Variants in ERC2 observed in about 807,000 individuals in gnomAD.
ERC2 encodes the protein ERC protein 2.
A neutral mutation model predicts 114.8 loss-of-function variants in ERC2; 42 were observed. The ratio of observed to expected loss-of-function variants is 0.37; its 90% CI spans 0.29 to 0.47. The LOEUF is 0.47. ERC2 is among the 20% of genes least tolerant of loss of function. The pLI is 0.99. For synonymous variants in ERC2, 454 were observed against 425.5 expected, an observed-to-expected ratio of 1.07 and a Z score of -0.82; for missense variants, 939 against 1,150.7, an observed-to-expected ratio of 0.82 and a Z score of 2.66.
At chr3:56,056,169 G>A (rs1235167180) in intron 7 of ERC2, among the ~76,000 whole-genome samples, 2 of 152,158 alleles carry the variant, frequency 1.3e-5, no homozygotes, top group African/African-American at 2.4e-5. Flanking sequence ...CCTTTGCCAT[G>A]TGACAATTCT....
chr3:56,357,873 T>C (rs953746665), intron 2 of ERC2, among the ~76,000 whole-genome samples: 5 of 151,210 alleles, frequency 3.3e-5, no homozygotes, highest in Admixed American at 6.6e-5. Flanking sequence ...CTTCCATTTA[T>C]GGCCCCCACT....
intron 3 of ERC2, among the ~76,000 whole-genome samples, chr3:56,229,662 T>C (rs892418518): frequency 2.0e-5 from 3 of 152,154 alleles, no homozygotes; most frequent in African/African-American, 7.2e-5. Flanking sequence ...TCTAGTCTTA[T>C]TATGAGGCTT....
chr3:56,135,745 A>G (rs1342937828), intron 6 of ERC2, among the ~76,000 whole-genome samples: 3 of 152,170 alleles, frequency 2.0e-5, no homozygotes, highest in African/African-American at 7.2e-5. Context: ...TTGACATTTT[A>G]CTTTAGATCA....
At chr3:56,400,249 A>G (rs1461990242) in intron 2 of ERC2, among the ~76,000 whole-genome samples, 1 of 152,144 alleles carries the variant, frequency 6.6e-6, no homozygotes, top group Non-Finnish European at 1.5e-5. Context: ...AGGAGCTGGT[A>G]GTTGGGGTTT....
At chr3:56,001,743 G>C (rs949261129) in intron 10 of ERC2, among the ~76,000 whole-genome samples, 8 of 152,104 alleles carry the variant, frequency 5.3e-5, no homozygotes, top group African/African-American at 1.9e-4. Context: ...TATTTTTGCT[G>C]CTGCAGGAAC....
chr3:56,260,077 G>A (rs1300734175), intron 3 of ERC2, among the ~76,000 whole-genome samples: 2 of 152,300 alleles, frequency 1.3e-5, no homozygotes, highest in East Asian at 3.9e-4. Context: ...CAACCACAGA[G>A]TCTGAACTTT....
At chr3:55,529,826 G>C (rs1223743812) in intron 17 of ERC2, among the ~76,000 whole-genome samples, 1 of 152,168 alleles carries the variant, frequency 6.6e-6, no homozygotes, top group Non-Finnish European at 1.5e-5. Context: ...GAAGACACAG[G>C]AGAAGTAATA....
At chr3:56,348,592 TG>T (rs1410859350) in intron 2 of ERC2, among the ~76,000 whole-genome samples, 2 of 150,972 alleles carry the variant, frequency 1.3e-5, no homozygotes, top group Non-Finnish European at 2.9e-5. Flanking sequence ...AAGATTTCTA[TG>T]TGAAATCTGC....
chr3:55,942,438 G>A (rs1470036121), intron 13 of ERC2, among the ~76,000 whole-genome samples: 4 of 149,512 alleles, frequency 2.7e-5, no homozygotes, highest in Non-Finnish European at 4.5e-5. Context: ...ACAGGCGCCC[G>A]CCACTACGCC....
chr3:55,739,229 T>G (rs201188895), intron 14 of ERC2, among the ~76,000 whole-genome samples: 2 of 152,222 alleles, frequency 1.3e-5, no homozygotes, highest in East Asian at 3.9e-4. Context: ...TACATGTGCA[T>G]GTGTCTTTAT....
chr3:56,301,983 T>C (rs955609131), intron 2 of ERC2, among the ~76,000 whole-genome samples: 1 of 152,106 alleles, frequency 6.6e-6, no homozygotes, highest in African/African-American at 2.4e-5. Flanking sequence ...CAGGATAGGC[T>C]TAGGATATGC....
chr3:55,561,920 GCTAT>G (rs751713196), intron 17 of ERC2, among the ~76,000 whole-genome samples: 1 of 152,130 alleles, frequency 6.6e-6, no homozygotes, highest in Non-Finnish European at 1.5e-5. Flanking sequence ...CATAAAAGTG[GCTAT>G]CTCTTTGTGG....
intron 17 of ERC2, among the ~76,000 whole-genome samples, chr3:55,532,933 G>A (rs565907915): frequency 1.3e-5 from 2 of 152,280 alleles, no homozygotes; most frequent in East Asian, 1.9e-4. Flanking sequence ...GGCTTTCAAC[G>A]GAACAGGAAA....
At chr3:56,384,043 A>G (rs573504306) in intron 2 of ERC2, among the ~76,000 whole-genome samples, 1 of 152,270 alleles carries the variant, frequency 6.6e-6, no homozygotes, top group African/African-American at 2.4e-5. Context: ...CCTTTTTATA[A>G]GACTTTATAT....
intron 3 of ERC2, among the ~76,000 whole-genome samples, chr3:56,209,208 C>T (rs898009001): frequency 1.3e-5 from 2 of 152,110 alleles, no homozygotes; most frequent in African/African-American, 4.8e-5. Context: ...ATGAGAGTGT[C>T]ATTCATACCC....
intron 14 of ERC2, among the ~76,000 whole-genome samples, chr3:55,850,154 T>A (rs1237553170): frequency 1.3e-5 from 2 of 152,238 alleles, no homozygotes; most frequent in South Asian, 4.1e-4. Flanking sequence ...TTCTGGTCTG[T>A]GTCTCTGTGT....
intron 1 of ERC2, among the ~76,000 whole-genome samples, chr3:56,435,365 C>A (rs915452633): frequency 6.6e-6 from 1 of 152,074 alleles, no homozygotes; most frequent in Non-Finnish European, 1.5e-5. Context: ...TTCCCCCCAC[C>A]CTGCCCCTAA....
intron 14 of ERC2, among the ~76,000 whole-genome samples, chr3:55,823,589 T>C (rs1410742688): frequency 6.6e-6 from 1 of 152,184 alleles, no homozygotes; most frequent in Non-Finnish European, 1.5e-5. Context: ...AGGAAGTCAA[T>C]GACCTGGCCT....
chr3:55,586,594 C>T (rs2057616585), intron 17 of ERC2, among the ~76,000 whole-genome samples: 1 of 152,196 alleles, frequency 6.6e-6, no homozygotes, highest in African/African-American at 2.4e-5. Context: ...ATTTTTAAAA[C>T]TAGCCTTTTA....
Sources: allele counts gnomAD v4.1 joint callset (sites outside exome capture counted in the v4.1 genomes callset), GRCh38; gene constraint gnomAD v4.1.1; transcripts MANE v1.5; gene names NCBI Gene and HGNC (gene_info 2026-07-23, HGNC 2026-07-21).